The following FSTL4 variants were observed in gnomAD, a reference collection of about 807,000 sequenced individuals.
FSTL4 encodes follistatin-related protein 4.
Under a neutral mutation model 78.2 loss-of-function variants are expected in FSTL4, and 28 were observed. The ratio of observed to expected loss-of-function variants is 0.36; its 90% CI spans 0.27 to 0.49. The LOEUF (loss-of-function observed/expected upper bound fraction) is 0.49. Ranked by LOEUF, FSTL4 falls within the 20% of genes least tolerant of loss-of-function variation. FSTL4 has a pLI of 0.98. For missense variants in FSTL4, 922 were observed against 1,084.9 expected (o/e 0.85, Z 2.11); for synonymous variants, 422 against 440.5 (o/e 0.96, Z 0.53).
intron 13 of FSTL4, among the ~76,000 whole-genome samples, chr5:133,215,341 T>G (rs1016946601): frequency 1.1e-4 from 17 of 152,218 alleles, no homozygotes; most frequent in African/African-American, 3.6e-4. Context: ...TCATCCAGTT[T>G]CCTGGATTAA....
the FSTL4 span, among the ~76,000 whole-genome samples, chr5:133,775,347 C>T: frequency 6.6e-6 from 1 of 152,304 alleles, no homozygotes; most frequent in South Asian, 2.1e-4. Context: ...CTTCTGCCTT[C>T]CCAGTAAGCC....
chr5:133,325,361 C>A (rs1754183756), intron 4 of FSTL4, among the ~76,000 whole-genome samples: 1 of 152,116 alleles, frequency 6.6e-6, no homozygotes, highest in African/African-American at 2.4e-5. Context: ...TGGGGGGAAT[C>A]CCCAGGCCAC....
intron 14 of FSTL4, among the ~76,000 whole-genome samples, chr5:133,203,615 C>G (rs1750398488): frequency 6.6e-6 from 1 of 152,178 alleles, no homozygotes; most frequent in Admixed American, 6.5e-5. Context: ...CTATGGTAAG[C>G]TCATAGGAAA....
At position 133,289,341 on chromosome 5, in the gene FSTL4, A is replaced by G. The variant is rs890820; in HGVS notation, c.727+23313T>C. 8.4e-4 allele frequency among the ~76,000 whole-genome samples: 128 copies of G among 152,192 alleles called. 1 individual carries two copies. The highest frequency in any genetic ancestry group is 3.0e-3 in the African/African-American group (123 of 41,506). On this transcript the variant is annotated intron_variant, in intron 6 of 15. Transcript: ENST00000265342. The stretch of plus-strand genomic sequence containing the variant: ...CCTTTCCTTCTCTATCTGTCCAAAT[A>G]TATCCCACCTTCATTCTTCAAGATC...
chr5:133,441,014 G>C (rs945587055), intron 3 of FSTL4, among the ~76,000 whole-genome samples: 5 of 152,194 alleles, frequency 3.3e-5, no homozygotes, highest in African/African-American at 1.2e-4. Flanking sequence ...GGGCAGTCTT[G>C]ATGTGGTTCC....
At chr5:133,679,017 A>G in the FSTL4 span, among the ~76,000 whole-genome samples, 3 of 152,196 alleles carry the variant, frequency 2.0e-5, no homozygotes, top group East Asian at 1.9e-4. Context: ...GCTCAGCAAC[A>G]TAGCAAGGCT....
intron 6 of FSTL4, among the ~76,000 whole-genome samples, chr5:133,253,577 C>T (rs1448707920): frequency 3.9e-5 from 6 of 152,180 alleles, no homozygotes; most frequent in East Asian, 1.9e-4. Context: ...GTAAAAGTGA[C>T]GCCTCAAGTG....
intron 6 of FSTL4, among the ~76,000 whole-genome samples, chr5:133,268,842 T>G (rs773111402): frequency 1.2e-4 from 18 of 152,214 alleles, no homozygotes; most frequent in Middle Eastern, 3.4e-3. Flanking sequence ...TGAATATCCA[T>G]CATCAGGGGA....
chr5:133,819,010 T>C, the FSTL4 span, among the ~76,000 whole-genome samples: 1 of 140,272 alleles, frequency 7.1e-6, no homozygotes, highest in African/African-American at 2.7e-5. Flanking sequence ...GCAGAATTTC[T>C]AGAACGAAGG....
intron 4 of FSTL4, among the ~76,000 whole-genome samples, chr5:133,395,874 C>T (rs532619797): frequency 6.6e-6 from 1 of 152,272 alleles, no homozygotes; most frequent in Admixed American, 6.5e-5. Flanking sequence ...CTGGCATTTC[C>T]TGAGAGCCCG....
chr5:133,243,056 G>A (rs538069381), intron 7 of FSTL4, among the ~76,000 whole-genome samples: 3 of 152,206 alleles, frequency 2.0e-5, no homozygotes, highest in East Asian at 1.9e-4. Flanking sequence ...GAGAGCATAC[G>A]CTTCATTAGA....
At chr5:133,701,509 A>ACACACACACACACACACACACCCC in the FSTL4 span, among the ~76,000 whole-genome samples, 2 of 132,696 alleles carry the variant, frequency 1.5e-5, no homozygotes, top group East Asian at 4.5e-4. Flanking sequence ...ACACACACAC[A>ACACACACACACACACACACACCCC]CCCCACAGGC....
At chr5:133,267,304 G>A (rs1752665877) in intron 6 of FSTL4, among the ~76,000 whole-genome samples, 1 of 152,190 alleles carries the variant, frequency 6.6e-6, no homozygotes, top group Non-Finnish European at 1.5e-5. Context: ...GTGAGGGCCT[G>A]TCCCTGAGCC....
the FSTL4 span, among the ~76,000 whole-genome samples, chr5:133,793,789 T>G: frequency 1.3e-5 from 2 of 152,112 alleles, no homozygotes. Context: ...TTTCTCCCTC[T>G]CTGATTTGGA....
In FSTL4 at chr5:133,473,444, C is replaced by T. The variant is rs1171452832; in HGVS notation, c.161-72458G>A. Among the ~76,000 whole-genome samples the T allele has an allele frequency of 6.6e-5, 10 of 152,212 alleles. No homozygotes were observed. The South Asian group carries it at 1.2e-3, about 19-fold the overall frequency. On this transcript the variant is annotated intron_variant, in intron 3 of 15. Coordinates refer to ENST00000265342, the MANE Select transcript of FSTL4 (RefSeq NM_015082.2). ...AGCACCGACCAGTCATGCTTGACCC[C>T]GTAACCACTTCGACAGCCATCAGCA...
the FSTL4 span, among the ~76,000 whole-genome samples, chr5:133,791,980 G>T: frequency 5.9e-5 from 9 of 152,320 alleles, no homozygotes; most frequent in East Asian, 1.7e-3. Context: ...GGAGTGAGTT[G>T]GCATGCCTTT....
At chr5:133,617,125 T>C (rs1015350840), upstream of FSTL4, among the ~76,000 whole-genome samples, 6 of 151,668 alleles carry the variant, frequency 4.0e-5, no homozygotes, top group African/African-American at 9.7e-5. Context: ...ATGGTGAAAC[T>C]CCGTTTCTAC....
At chr5:133,571,584 C>T (rs913774343) in intron 2 of FSTL4, among the ~76,000 whole-genome samples, 3 of 152,138 alleles carry the variant, frequency 2.0e-5, no homozygotes, top group Non-Finnish European at 4.4e-5. Context: ...AAAGACTACA[C>T]ATTGGGTACA....
chr5:133,375,924 C>T (rs1381530178), intron 4 of FSTL4, among the ~76,000 whole-genome samples: 2 of 152,214 alleles, frequency 1.3e-5, no homozygotes, highest in Admixed American at 6.5e-5. Flanking sequence ...GATATTTATA[C>T]TTAAGTAATG....
Sources: allele counts gnomAD v4.1 joint callset (sites outside exome capture counted in the v4.1 genomes callset), GRCh38; gene constraint gnomAD v4.1.1; transcripts MANE v1.5; gene names NCBI Gene and HGNC (gene_info 2026-07-23, HGNC 2026-07-21).